Variants in SH3TC2 observed in about 807,000 individuals in gnomAD.
SH3TC2 encodes SH3 domain and tetratricopeptide repeats 2, also known as SH3 domain and tetratricopeptide repeat-containing protein 2.
Under a neutral mutation model 124.5 loss-of-function variants are expected in SH3TC2, and 87 were observed. The observed-to-expected ratio is 0.70, with a 90% CI of 0.59 to 0.84. SH3TC2 has a LOEUF of 0.84. Ranked by LOEUF, SH3TC2 falls within the 40% of genes least tolerant of loss-of-function variation. The pLI is 0.00. For synonymous variants in SH3TC2, 634 were observed against 628.5 expected (o/e 1.01, Z -0.13); for missense variants, 1,536 against 1,566.4 (o/e 0.98, Z 0.33).
chr5:149,028,789 C>T (rs1318155784), intron 9 of SH3TC2, 71 bp from the exon 10 acceptor site: 3 of 1,530,768 alleles, frequency 2.0e-6, no homozygotes, highest in Non-Finnish European at 2.7e-6. Flanking sequence ...TCCAGGTGTA[C>T]CCCAGATCAG....
Position 148,994,092 on chromosome 5 carries a change from C to T in SH3TC2, c.*10619G>A, listed in dbSNP as rs2127388788. Among the ~76,000 whole-genome samples, 1 of 152,212 alleles carries T rather than the reference C, an allele frequency of 6.6e-6. No individual in the cohort carries two copies. The highest frequency in any genetic ancestry group is 1.9e-4 in the East Asian group (1 of 5,180). ...GCTGTTCAGTCTACTACCATGCATCCCAGACAGGATGTTCAGGTGAACAAG... is the reference window on the plus strand; with the variant it reads ...GCTGTTCAGTCTACTACCATGCATCTCAGACAGGATGTTCAGGTGAACAAG... On this transcript the variant is annotated 3_prime_UTR_variant, in exon 17 of 17. Coordinates refer to ENST00000515425, the MANE Select transcript of SH3TC2 (RefSeq NM_024577.4).
chr5:149,032,257 C>T (rs1490418187), intron 8 of SH3TC2, among the ~76,000 whole-genome samples: 1 of 152,022 alleles, frequency 6.6e-6, no homozygotes, highest in African/African-American at 2.4e-5. Flanking sequence ...GGATTGGAAT[C>T]GCTAAGGGAA....
chr5:149,045,356 ATAATGAATTATTATCATT>A (rs1476439797), intron 3 of SH3TC2: 1 of 152,280 alleles, frequency 6.6e-6, no homozygotes, highest in Non-Finnish European at 1.5e-5. Flanking sequence ...TTGCATTAAC[ATAATGAATTATTATCATT>A]TTCTTATGGT....
At chr5:149,016,110 G>C (rs1018167296) in intron 12 of SH3TC2, among the ~76,000 whole-genome samples, 6 of 152,074 alleles carry the variant, frequency 3.9e-5, no homozygotes, top group African/African-American at 1.5e-4. Context: ...CACTTAGTAT[G>C]TACTAGGTGC....
At chr5:149,062,018 A>G (rs1040153427) in intron 1 of SH3TC2, among the ~76,000 whole-genome samples, 2 of 152,130 alleles carry the variant, frequency 1.3e-5, no homozygotes, top group African/African-American at 4.8e-5. Context: ...TGCCTTCTAC[A>G]AGCCCAAGTC....
chr5:148,995,895 G>A lies in SH3TC2; in HGVS notation c.*8816C>T, dbSNP rs1561752647. On this transcript the variant is annotated 3_prime_UTR_variant, in exon 17 of 17. Coordinates refer to ENST00000515425, the MANE Select transcript of SH3TC2 (RefSeq NM_024577.4). ...AAGTGCTTTGAAGGAAAAGTACAGG[G>A]ACAAATGAGCACAAGCAAAAGGGAG... Among the ~76,000 whole-genome samples, 1 of 152,008 alleles carries A rather than the reference G, an allele frequency of 6.6e-6. No individual in the cohort carries two copies. Among genetic ancestry groups the A allele is most frequent in the Admixed American group, 6.6e-5 (1 of 15,262 alleles).
At chr5:149,012,458 C>A in intron 13 of SH3TC2, 126 bp downstream of exon 13, 1 of 1,282,902 alleles carries the variant, frequency 7.8e-7, no homozygotes, top group Non-Finnish European at 1.1e-6. Flanking sequence ...CAGTGTTGAC[C>A]CTTTCTCCAC....
chr5:149,017,909 G>A (rs1218172451), intron 12 of SH3TC2, among the ~76,000 whole-genome samples: 1 of 152,194 alleles, frequency 6.6e-6, no homozygotes, highest in Non-Finnish European at 1.5e-5. Context: ...TAAATAAAGT[G>A]TTATTGCAAC....
intron 15 of SH3TC2, chr5:149,007,798 T>C (rs1332530576): frequency 6.6e-6 from 1 of 152,316 alleles, no homozygotes; most frequent in Non-Finnish European, 1.5e-5. Context: ...TGGGATACCA[T>C]CTAAAAACAT....
chr5:149,028,795 A>G lies in SH3TC2; in HGVS notation c.1136-77T>C, dbSNP rs540316872. Reference sequence around the variant, plus strand: ...GCCCATGCCTCCAGGTGTACCCCAGATCAGTGGCCTCTTAGGAGCCTTGGC... The same window carrying G: ...GCCCATGCCTCCAGGTGTACCCCAGGTCAGTGGCCTCTTAGGAGCCTTGGC... On this transcript the variant is annotated intron_variant, in intron 9 of 16. Transcript: ENST00000515425. 7.1e-5 allele frequency: 104 copies of G among 1,465,276 alleles called. 3 individuals are homozygous for G. In the South Asian group the frequency reaches 1.2e-3, roughly 16 times the overall value. The allele number at this position is 1,465,276 out of a possible 1,614,324, so 90.8% of individuals were successfully genotyped here. A position where few individuals can be genotyped will look rare whatever the true frequency, so the allele number is the denominator to read the frequency against.
At chr5:149,060,609 A>G (rs1754730146) in intron 1 of SH3TC2, among the ~76,000 whole-genome samples, 1 of 152,160 alleles carries the variant, frequency 6.6e-6, no homozygotes, top group Admixed American at 6.5e-5. Flanking sequence ...GTCTGCTGTT[A>G]ACTCTCACTT....
At chr5:149,016,924 CAAA>C (rs753867645) in intron 12 of SH3TC2, among the ~76,000 whole-genome samples, 9 of 92,942 alleles carry the variant, frequency 9.7e-5, no homozygotes, top group Admixed American at 2.4e-4. Context: ...GACTCCGTCT[CAAA>C]AAAAAAAAAA....
At chr5:149,008,680 T>G in intron 15 of SH3TC2, 171 bp downstream of exon 15, 1 of 852,084 alleles carries the variant, frequency 1.2e-6, no homozygotes, top group Non-Finnish European at 1.9e-6. Flanking sequence ...ATGACAAGCT[T>G]GAGGCTTATA....
chr5:149,053,905 C>T (rs552129599), intron 1 of SH3TC2, among the ~76,000 whole-genome samples: 16 of 152,020 alleles, frequency 1.1e-4, no homozygotes, highest in Admixed American at 4.6e-4. Flanking sequence ...AGGGTGTGTG[C>T]GCTAGGGAGA....
chr5:149,018,581 A>G (rs1049895544), intron 12 of SH3TC2, among the ~76,000 whole-genome samples: 1 of 152,140 alleles, frequency 6.6e-6, no homozygotes, highest in East Asian at 1.9e-4. Context: ...CACTACCATG[A>G]GAAGAGTATG....
chr5:149,036,407 G>C (rs956983282), intron 8 of SH3TC2, among the ~76,000 whole-genome samples: 13 of 152,074 alleles, frequency 8.5e-5, no homozygotes, highest in African/African-American at 3.1e-4. Context: ...CCTCTCTGTG[G>C]CTCCTCTGTT....
At chr5:149,016,045 C>G (rs1241744609) in intron 12 of SH3TC2, among the ~76,000 whole-genome samples, 1 of 152,190 alleles carries the variant, frequency 6.6e-6, no homozygotes, top group African/African-American at 2.4e-5. Context: ...GAGCTCTCAG[C>G]TGCTTTGTCT....
intron 12 of SH3TC2, 33 bp downstream of exon 12, chr5:149,026,539 C>T (rs1754065737): frequency 1.2e-5 from 20 of 1,612,152 alleles, no homozygotes; most frequent in Non-Finnish European, 1.7e-5. Context: ...GGAAGGAAAG[C>T]TGCTTCTAGG....
At chr5:149,021,659 A>G (rs1365605278) in intron 12 of SH3TC2, among the ~76,000 whole-genome samples, 2 of 152,068 alleles carry the variant, frequency 1.3e-5, no homozygotes, top group African/African-American at 4.8e-5. Context: ...TAGTTAATTT[A>G]GATGAAATGG....
Sources: gnomAD v4.1 joint callset for allele counts (sites outside exome capture counted in the v4.1 genomes callset) on GRCh38, gnomAD v4.1.1 for gene constraint, MANE v1.5 for transcripts, NCBI Gene and HGNC (gene_info 2026-07-23, HGNC 2026-07-21) for gene names.